Variants in ZNF804A observed in about 807,000 individuals in gnomAD.
ZNF804A encodes the protein zinc finger protein 804A.
A neutral mutation model predicts 16.5 loss-of-function variants in ZNF804A; 2 were observed. That is an observed-to-expected ratio of 0.12 (90% CI 0.05 to 0.38). The LOEUF is 0.38. Among genes scored for constraint, ZNF804A ranks in the 10% least tolerant of loss-of-function variants. The pLI, the probability that ZNF804A is intolerant of heterozygous loss-of-function variation, is 0.99. For missense variants in ZNF804A, 1,473 were observed against 1,390.7 expected (o/e 1.06, Z -0.94); for synonymous variants, 534 against 489.6 (o/e 1.09, Z -1.20).
intron 2 of ZNF804A, among the ~76,000 whole-genome samples, chr2:184,896,644 T>C (rs976742997): frequency 4.6e-5 from 7 of 152,172 alleles, no homozygotes; most frequent in Non-Finnish European, 1.0e-4. Context: ...ATTTTTCTCA[T>C]ATAGACAAAA....
intron 2 of ZNF804A, among the ~76,000 whole-genome samples, chr2:184,880,468 T>A (rs66983648): frequency 0.32 from 48,824 of 151,300 alleles, 10,479 homozygotes; most frequent in African/African-American, 0.61. Context: ...ACACATTTTT[T>A]AAAAAAAAAT....
intron 1 of ZNF804A, among the ~76,000 whole-genome samples, chr2:184,856,439 G>A (rs985722234): frequency 1.3e-4 from 19 of 151,934 alleles, no homozygotes; most frequent in African/African-American, 4.1e-4. Flanking sequence ...TAGTGTTGTT[G>A]TTATTCAACC....
chr2:184,882,570 T>G lies in ZNF804A; in HGVS notation c.255+16058T>G, dbSNP rs183290609. On this transcript the variant is annotated intron_variant, in intron 2 of 3. Transcript: ENST00000302277. ...AAACAATGCTCAGCAAATTAAAAAA[T>G]AATAATAAATTGAACCACATTCTTA... Among the ~76,000 whole-genome samples the G allele has an allele frequency of 2.0e-5, 3 of 151,920 alleles. No individual in the cohort carries two copies. The East Asian group carries it at 5.8e-4, about 29-fold the overall frequency.
At chr2:184,874,435 T>A (rs895110248) in intron 2 of ZNF804A, among the ~76,000 whole-genome samples, 1 of 152,126 alleles carries the variant, frequency 6.6e-6, no homozygotes, top group South Asian at 2.1e-4. Context: ...AATATTATGA[T>A]ATCAAATTTT....
At chr2:184,768,332 T>C (rs572804284) in intron 1 of ZNF804A, among the ~76,000 whole-genome samples, 31 of 152,186 alleles carry the variant, frequency 2.0e-4, no homozygotes, top group Middle Eastern at 3.4e-3. Context: ...CCTCTGAAGA[T>C]ATCAAAAGAC....
At chr2:184,661,361 T>G (rs1177341284) in intron 1 of ZNF804A, among the ~76,000 whole-genome samples, 4 of 152,198 alleles carry the variant, frequency 2.6e-5, no homozygotes, top group South Asian at 4.1e-4. Flanking sequence ...ACAGCTCTTT[T>G]GCTCCTGCTG....
At chr2:184,735,544 ACAAACCTG>A (rs1418256961) in intron 1 of ZNF804A, among the ~76,000 whole-genome samples, 2 of 152,204 alleles carry the variant, frequency 1.3e-5, no homozygotes. Flanking sequence ...TACCTATGTA[ACAAACCTG>A]CATGTTCTGC....
intron 1 of ZNF804A, among the ~76,000 whole-genome samples, chr2:184,606,398 C>T (rs985354326): frequency 2.6e-5 from 4 of 152,100 alleles, no homozygotes; most frequent in Admixed American, 1.3e-4. Flanking sequence ...TGAGAGCTCA[C>T]TTACTATCAC....
At chr2:184,791,440 C>T (rs1048182700) in intron 1 of ZNF804A, among the ~76,000 whole-genome samples, 3 of 152,134 alleles carry the variant, frequency 2.0e-5, no homozygotes, top group Non-Finnish European at 2.9e-5. Flanking sequence ...AGGATACAAG[C>T]TTCTTGGCTA....
At chr2:184,761,092 G>T (rs1279325917) in intron 1 of ZNF804A, among the ~76,000 whole-genome samples, 5 of 152,012 alleles carry the variant, frequency 3.3e-5, no homozygotes, top group African/African-American at 1.2e-4. Context: ...GTTCTTACTG[G>T]AATACTTTTC....
chr2:184,902,523 C>A (rs1027591324), intron 2 of ZNF804A: 3 of 152,208 alleles, frequency 2.0e-5, no homozygotes, highest in Non-Finnish European at 2.9e-5. Context: ...TTTCCTTTGA[C>A]TTTGGCTTTG....
intron 1 of ZNF804A, among the ~76,000 whole-genome samples, chr2:184,695,083 C>T (rs1459189574): frequency 6.6e-6 from 1 of 152,138 alleles, no homozygotes; most frequent in East Asian, 1.9e-4. Context: ...TACAAACCCA[C>T]CTTGTTTTTT....
intron 1 of ZNF804A, among the ~76,000 whole-genome samples, chr2:184,796,987 A>G (rs894307576): frequency 2.6e-5 from 4 of 151,944 alleles, no homozygotes; most frequent in Admixed American, 2.6e-4. Flanking sequence ...TGTGGTCTGA[A>G]GAGTGCTTGA....
In ZNF804A at chr2:184,937,991, C is replaced by T. The variant is rs1482520139; in HGVS notation, c.2595C>T (p.Ile865=). Reference sequence around the variant, plus strand: ...TGAAACCACAAGAAGTTGCAAAAATCGAAAGGAACTCAGAACAAACAAACC... The same window carrying T: ...TGAAACCACAAGAAGTTGCAAAAATTGAAAGGAACTCAGAACAAACAAACC... ...EKMKPQEVAK[I]ERNSEQTNQL... The change falls in exon 4 of 4, where the codon ATC becomes ATT. Residue 865 remains isoleucine (I), a synonymous_variant. Coordinates refer to ENST00000302277, the MANE Select transcript of ZNF804A (RefSeq NM_194250.2). 3.1e-6 allele frequency: 5 copies of T among 1,613,838 alleles called. No individual in the cohort carries two copies. In the South Asian group the frequency reaches 3.3e-5, roughly 11 times the overall value.
At chr2:184,814,672 C>A (rs1694952568) in intron 1 of ZNF804A, among the ~76,000 whole-genome samples, 1 of 152,018 alleles carries the variant, frequency 6.6e-6, no homozygotes. Flanking sequence ...TGTCTGGTAG[C>A]TGAGAGGCCT....
intron 2 of ZNF804A, among the ~76,000 whole-genome samples, chr2:184,869,314 A>G (rs1295821350): frequency 1.3e-5 from 2 of 152,060 alleles, no homozygotes; most frequent in African/African-American, 4.8e-5. Flanking sequence ...ATGGAATTAG[A>G]GCACTTCCTG....
chr2:184,747,718 G>T (rs1232378409), intron 1 of ZNF804A, among the ~76,000 whole-genome samples: 1 of 150,708 alleles, frequency 6.6e-6, no homozygotes, highest in Admixed American at 6.6e-5. Context: ...GATACAGGAG[G>T]TACATGTGTA....
intron 2 of ZNF804A, among the ~76,000 whole-genome samples, chr2:184,885,157 A>G (rs80140973): frequency 0.062 from 9,377 of 151,824 alleles, 988 homozygotes; most frequent in African/African-American, 0.21. Flanking sequence ...ACAATTTCAC[A>G]TTAGTCAGAA....
At chr2:184,826,759 T>A (rs1695174743) in intron 1 of ZNF804A, among the ~76,000 whole-genome samples, 1 of 152,138 alleles carries the variant, frequency 6.6e-6, no homozygotes, top group South Asian at 2.1e-4. Context: ...CATTATATTA[T>A]CAAAGCCTAC....
Sources: allele counts gnomAD v4.1 joint callset (sites outside exome capture counted in the v4.1 genomes callset), GRCh38; gene constraint gnomAD v4.1.1; transcripts MANE v1.5; gene names NCBI Gene and HGNC (gene_info 2026-07-23, HGNC 2026-07-21).